COPZ2: variants seen among roughly 807,000 people sequenced by gnomAD.
COPZ2 encodes the protein coatomer subunit zeta-2.
A neutral mutation model predicts 33.2 loss-of-function variants in COPZ2; 30 were observed. The observed-to-expected ratio is 0.90, with a 90% confidence interval of 0.68 to 1.23. The LOEUF (loss-of-function observed/expected upper bound fraction) is 1.23, where lower values mean the gene tolerates loss of function less well. Among genes scored for constraint, COPZ2 ranks in the 50% most tolerant of loss-of-function variants. The pLI is 0.00. For synonymous variants in COPZ2, 89 were observed against 102.6 expected (o/e 0.87, Z 0.80); for missense variants, 263 against 262.4 (o/e 1.00, Z -0.02).
chr17:48,033,032 G>A (rs2036917296), intron 4 of COPZ2, 179 bp downstream of exon 4: 3 of 601,954 alleles, frequency 5.0e-6, no homozygotes, highest in Non-Finnish European at 8.9e-6. Flanking sequence ...AAACTAAGGG[G>A]CATCGAAGAT....
Position 48,036,819 on chromosome 17 carries a change from C to G in COPZ2, c.186+32G>C, listed in dbSNP as rs746111672. ...GACAGGAGTGTCAGCTGAGTGGGAA[C>G]TGTGTCCCTCATGGGTGGGGTCAGA... On this transcript the variant is annotated intron_variant, in intron 2 of 8. Transcript: ENST00000621465. 4 of 1,601,070 alleles carry G rather than the reference C, an allele frequency of 2.5e-6. No homozygotes were observed. The African/African-American group carries it at 5.4e-5, about 21-fold the overall frequency.
At chr17:48,027,259 A>G (rs1432700953) in intron 8 of COPZ2, among the ~76,000 whole-genome samples, 2 of 152,230 alleles carry the variant, frequency 1.3e-5, no homozygotes, top group East Asian at 1.9e-4. Context: ...TTTTTACTCA[A>G]GAATTCCATC....
At chr17:48,041,552 C>G (rs1048270027), upstream of COPZ2, among the ~76,000 whole-genome samples, 1 of 152,170 alleles carries the variant, frequency 6.6e-6, no homozygotes, top group African/African-American at 2.4e-5. Flanking sequence ...TCTGAGGAAG[C>G]ATCTACTGAC....
chr17:48,047,541 G>C, the COPZ2 span: 1 of 152,112 alleles, frequency 6.6e-6, no homozygotes, highest in Non-Finnish European at 1.5e-5. Flanking sequence ...CCCTAAAAAA[G>C]CAAGACTAAG....
At chr17:48,043,450 C>T in the COPZ2 span, 1 of 899,368 alleles carries the variant, frequency 1.1e-6, no homozygotes, top group Non-Finnish European at 1.3e-6. Context: ...CTCTCTCTAT[C>T]CCTCCTGCTT....
At chr17:48,033,807 G>A (rs1017256736) in intron 3 of COPZ2, 56 bp downstream of exon 3, 29 of 1,327,476 alleles carry the variant, frequency 2.2e-5, no homozygotes, top group Non-Finnish European at 3.1e-5. Flanking sequence ...GTGTCCAGAT[G>A]GAGAAGATGA....
chr17:48,040,579 C>A (rs1278102366), upstream of COPZ2, among the ~76,000 whole-genome samples: 1 of 151,514 alleles, frequency 6.6e-6, no homozygotes, highest in Non-Finnish European at 1.5e-5. Context: ...ACTACAGGTG[C>A]ACACCACCAC....
At position 48,028,799 on chromosome 17, in the gene COPZ2, C is replaced by T. The variant is rs530123280; in HGVS notation, c.547-289G>A. 6.6e-6 allele frequency among the ~76,000 whole-genome samples: 1 copy of T among 152,230 alleles called. No individual in the cohort carries two copies. The highest frequency in any genetic ancestry group is 2.4e-5 in the African/African-American group (1 of 41,522). On this transcript the variant is annotated intron_variant, in intron 7 of 8. Coordinates refer to ENST00000621465, the MANE Select transcript of COPZ2 (RefSeq NM_016429.4). The surrounding 1 kb of genome is among the most constrained non-coding windows in gnomAD (Gnocchi z 4.5). ...GCCAAACAAGGCAGGGAGGTTCTAT[C>T]CATACCCCTGACCCCCAACCTCAAG...
At chr17:48,032,608 G>C (rs2036910585) in intron 5 of COPZ2, 78 bp downstream of exon 5, 5 of 1,196,802 alleles carry the variant, frequency 4.2e-6, no homozygotes, top group Admixed American at 2.1e-5. Flanking sequence ...GACTTCAGGA[G>C]AAAAACAGGG....
chr17:48,037,259 CT>C lies in COPZ2; in HGVS notation c.112-335del. 1.8e-6 allele frequency: 1 copy of C among 564,906 alleles called. No homozygotes were observed. Among genetic ancestry groups the C allele is most frequent in the Admixed American group, 2.4e-5 (1 of 42,070 alleles). 35.0% of individuals were successfully genotyped at this position (564,906 alleles called of 1,614,324 possible). A position where few individuals can be genotyped will look rare whatever the true frequency, so the allele number is the denominator to read the frequency against. Reference sequence around the variant, plus strand: ...GGCCGGGGGGGACAGCGGGCCGAGCCTCCTTCTTCCAGCTGATCCCTGGCCG... The same window carrying C: ...GGCCGGGGGGGACAGCGGGCCGAGCCCCTTCTTCCAGCTGATCCCTGGCCG... On this transcript the variant is annotated intron_variant, in intron 1 of 8. Transcript: ENST00000621465. This position sits in a 1 kb window ranked among gnomAD's most constrained non-coding sequence, Gnocchi z 5.6.
At chr17:48,026,501 AGAGAATT>A in intron 8 of COPZ2, 26 bp from the exon 9 acceptor site, 2 of 1,559,336 alleles carry the variant, frequency 1.3e-6, no homozygotes, top group Non-Finnish European at 1.8e-6. Flanking sequence ...GGAGGTTGAG[AGAGAATT>A]GAGAATGTCA....
the COPZ2 span, chr17:48,045,210 G>A: frequency 1.3e-5 from 2 of 152,094 alleles, no homozygotes; most frequent in Admixed American, 1.3e-4. Context: ...CTGCCCACCT[G>A]GGCCTCTCGA....
chr17:48,030,056 T>C lies in COPZ2; in HGVS notation c.495-880A>G, dbSNP rs1598258165. Reference sequence around the variant, plus strand: ...ATCCTAGCACTTTGGGAGGCTAAGGTGGGAGGATCACAAGGTGAAGAGTTC... The same window carrying C: ...ATCCTAGCACTTTGGGAGGCTAAGGCGGGAGGATCACAAGGTGAAGAGTTC... On this transcript the variant is annotated intron_variant, in intron 6 of 8. Transcript: ENST00000621465. 2.7e-5 allele frequency among the ~76,000 whole-genome samples: 4 copies of C among 150,390 alleles called. No homozygotes were observed. In the South Asian group the frequency reaches 8.4e-4, roughly 32 times the overall value.
At chr17:48,042,383 C>T (rs944272674), upstream of COPZ2, among the ~76,000 whole-genome samples, 6 of 152,234 alleles carry the variant, frequency 3.9e-5, no homozygotes, top group African/African-American at 1.4e-4. Context: ...ATCCGCCTGC[C>T]TTGGCCTCCC....
chr17:48,028,662 C>G lies in COPZ2; in HGVS notation c.547-152G>C. Reference sequence around the variant, plus strand: ...CCTGTGTCACTGGTTAATAGAAGTCCTGCAGCCTGTCATTTGGAAGCCAGG... The same window carrying G: ...CCTGTGTCACTGGTTAATAGAAGTCGTGCAGCCTGTCATTTGGAAGCCAGG... On this transcript the variant is annotated intron_variant, in intron 7 of 8. Transcript: ENST00000621465. The surrounding 1 kb of genome is among the most constrained non-coding windows in gnomAD (Gnocchi z 4.5). 1 of 671,998 alleles carries G rather than the reference C, an allele frequency of 1.5e-6. No individual in the cohort carries two copies. The highest frequency in any genetic ancestry group is 1.9e-5 in the South Asian group (1 of 51,796). 41.6% of individuals were successfully genotyped at this position (671,998 alleles called of 1,614,324 possible). A position where few individuals can be genotyped will look rare whatever the true frequency, so the allele number is the denominator to read the frequency against.
At chr17:48,030,436 G>A (rs1233336778) in intron 6 of COPZ2, among the ~76,000 whole-genome samples, 1 of 152,170 alleles carries the variant, frequency 6.6e-6, no homozygotes, top group African/African-American at 2.4e-5. Flanking sequence ...CAGGGTACAT[G>A]GGCGTGAGGG....
At position 48,028,472 on chromosome 17, in the gene COPZ2, C is replaced by G. The variant is rs1267708993; in HGVS notation, c.585G>C (p.Gln195His). 1.9e-6 allele frequency: 3 copies of G among 1,609,150 alleles called. No individual in the cohort carries two copies. The highest frequency in any genetic ancestry group is 2.2e-5 in the East Asian group (1 of 44,728). The change falls in exon 8 of 9, where the codon CAG (glutamine) becomes CAC (histidine). Residue 195 changes from glutamine to histidine, a missense_variant and splice_region_variant. Gln to His is a conservative substitution (Grantham distance 24). Transcript: ENST00000621465. This position sits in a 1 kb window ranked among gnomAD's most constrained non-coding sequence, Gnocchi z 4.5. ...DGGLTEQSVA[Q>H]VLQSAKEQIK... is the part of the protein sequence containing the mutation. ...CCAAGGCAGATGCAGGGGGGCCTAC[C>G]TGGGCCACACTCTGTTCAGTCAAGC...
At chr17:48,036,501 T>C (rs1294130315) in intron 2 of COPZ2, among the ~76,000 whole-genome samples, 1 of 152,198 alleles carries the variant, frequency 6.6e-6, no homozygotes, top group East Asian at 1.9e-4. Flanking sequence ...AGTGGAGGTT[T>C]AGAGACAAAC....
Position 48,037,787 on chromosome 17 carries a change from C to T in COPZ2, c.-10G>A, listed in dbSNP as rs2037015748. ...CCTCGGGCCGCTGCATTCCGCTCGC[C>T]GCCTCGCACTGACAGCGCCGCCCGC... On this transcript the variant is annotated 5_prime_UTR_variant, in exon 1 of 9. Coordinates refer to ENST00000621465, the MANE Select transcript of COPZ2 (RefSeq NM_016429.4). The surrounding 1 kb of genome is among the most constrained non-coding windows in gnomAD (Gnocchi z 5.6). 7.0e-6 allele frequency: 7 copies of T among 1,001,038 alleles called. No homozygotes were observed. In the Admixed American group the frequency reaches 3.7e-4, roughly 52 times the overall value. 62.0% of individuals were successfully genotyped at this position (1,001,038 alleles called of 1,614,324 possible).
Sources: gnomAD v4.1 joint callset for allele counts (sites outside exome capture counted in the v4.1 genomes callset) on GRCh38, gnomAD v4.1.1 for gene constraint, Gnocchi (gnomAD v3.1) non-coding constraint, MANE v1.5 for transcripts, NCBI Gene and HGNC (gene_info 2026-07-23, HGNC 2026-07-21) for gene names.